Variants in MDGA2 observed in about 807,000 individuals in gnomAD.
MDGA2 encodes the protein MAM domain-containing glycosylphosphatidylinositol anchor protein 2.
A neutral mutation model predicts 117.8 loss-of-function variants in MDGA2; 40 were observed. The ratio of observed to expected loss-of-function variants is 0.34; its 90% CI spans 0.26 to 0.44. The LOEUF (loss-of-function observed/expected upper bound fraction) is 0.44. Ranked by LOEUF, MDGA2 falls within the 20% of genes least tolerant of loss-of-function variation. The pLI is 1.00. For synonymous variants in MDGA2, 452 were observed against 439.0 expected (o/e 1.03, Z -0.37); for missense variants, 1,123 against 1,250.6 (o/e 0.90, Z 1.54).
At chr14:47,583,210 A>G (rs926474560) in intron 1 of MDGA2, among the ~76,000 whole-genome samples, 2 of 151,884 alleles carry the variant, frequency 1.3e-5, no homozygotes, top group African/African-American at 4.8e-5. Context: ...GTGTAGTGTA[A>G]TGCAGAGACT....
intron 1 of MDGA2, among the ~76,000 whole-genome samples, chr14:47,434,864 G>A (rs536278291): frequency 1.1e-4 from 16 of 152,154 alleles, no homozygotes; most frequent in African/African-American, 2.9e-4. Flanking sequence ...GGCTGGGAGC[G>A]GTGGCTTATG....
At chr14:47,427,552 A>C (rs780713663) in intron 1 of MDGA2, among the ~76,000 whole-genome samples, 9 of 152,164 alleles carry the variant, frequency 5.9e-5, no homozygotes, top group Non-Finnish European at 1.3e-4. Context: ...CAATCTCCTC[A>C]TTCTCTGTAG....
chr14:46,871,900 C>A (rs1028863414), intron 14 of MDGA2: 1 of 397,906 alleles, frequency 2.5e-6, no homozygotes. Flanking sequence ...GTAATCCCAG[C>A]ATTTTGAGAG....
At chr14:47,077,046 G>GTT (rs199633224) in intron 6 of MDGA2, among the ~76,000 whole-genome samples, 1 of 149,810 alleles carries the variant, frequency 6.7e-6, no homozygotes, top group African/African-American at 2.4e-5. Context: ...CTTAAAACAA[G>GTT]TTTTTTTTTT....
intron 1 of MDGA2, among the ~76,000 whole-genome samples, chr14:47,590,413 C>G (rs1305732521): frequency 6.6e-6 from 1 of 151,672 alleles, no homozygotes; most frequent in Non-Finnish European, 1.5e-5. Flanking sequence ...AAGTAAGACA[C>G]ATTCAAGGTA....
At chr14:47,525,469 G>A (rs1894952481) in intron 1 of MDGA2, among the ~76,000 whole-genome samples, 1 of 152,150 alleles carries the variant, frequency 6.6e-6, no homozygotes, top group African/African-American at 2.4e-5. Context: ...CAGATCACCT[G>A]AGGTCAGGAG....
At chr14:47,303,314 T>A (rs371982556) in intron 1 of MDGA2, among the ~76,000 whole-genome samples, 1 of 152,182 alleles carries the variant, frequency 6.6e-6, no homozygotes, top group African/African-American at 2.4e-5. Flanking sequence ...CTGCTATGCA[T>A]CATTTTATCT....
At chr14:47,533,815 G>T (rs1407693873) in intron 1 of MDGA2, among the ~76,000 whole-genome samples, 2 of 152,144 alleles carry the variant, frequency 1.3e-5, no homozygotes, top group Non-Finnish European at 2.9e-5. Context: ...TTTAGCAAAA[G>T]ATATGGTACA....
At chr14:47,516,129 C>G (rs954371233) in intron 1 of MDGA2, among the ~76,000 whole-genome samples, 6 of 152,116 alleles carry the variant, frequency 3.9e-5, no homozygotes, top group Admixed American at 6.6e-5. Context: ...TAAGACCTGA[C>G]TTGCAGGTGA....
intron 1 of MDGA2, among the ~76,000 whole-genome samples, chr14:47,550,086 G>A (rs1056793424): frequency 2.0e-5 from 3 of 152,012 alleles, no homozygotes; most frequent in African/African-American, 7.3e-5. Flanking sequence ...CTTCATTGAT[G>A]TTCTTTTGTC....
intron 3 of MDGA2, among the ~76,000 whole-genome samples, chr14:47,157,525 A>G (rs1222382879): frequency 6.6e-6 from 1 of 151,672 alleles, no homozygotes; most frequent in Non-Finnish European, 1.5e-5. Flanking sequence ...CCTCTTCCTC[A>G]CTCATTTTCT....
At chr14:47,593,943 C>A (rs974802204) in intron 1 of MDGA2, among the ~76,000 whole-genome samples, 1 of 152,080 alleles carries the variant, frequency 6.6e-6, no homozygotes, top group Non-Finnish European at 1.5e-5. Flanking sequence ...AGGTTAGTTA[C>A]TGCAAATATT....
intron 14 of MDGA2, among the ~76,000 whole-genome samples, chr14:46,860,479 A>G (rs886610514): frequency 6.6e-6 from 1 of 151,956 alleles, no homozygotes; most frequent in African/African-American, 2.4e-5. Context: ...TTATTTTGGA[A>G]TAATTCATGG....
intron 2 of MDGA2, among the ~76,000 whole-genome samples, chr14:47,256,427 T>C (rs1428020342): frequency 6.6e-6 from 1 of 152,196 alleles, no homozygotes; most frequent in Non-Finnish European, 1.5e-5. Flanking sequence ...CTATGACCCT[T>C]TCTTTCTCCT....
chr14:46,950,167 AAGTGATAGCATT>A (rs1418553859), intron 9 of MDGA2, among the ~76,000 whole-genome samples: 2 of 151,990 alleles, frequency 1.3e-5, no homozygotes, highest in Non-Finnish European at 2.9e-5. Flanking sequence ...TTTTAGTAAT[AAGTGATAGCATT>A]AACTTCATTA....
Position 47,364,431 on chromosome 14 carries a change from AT to A in MDGA2, c.281-62882del, listed in dbSNP as rs1386539177. On this transcript the variant is annotated intron_variant, in intron 1 of 16. Coordinates refer to ENST00000399232, the MANE Select transcript of MDGA2 (RefSeq NM_001113498.3). Reference sequence around the variant, plus strand: ...AGGTGCCCAACACCACGCCCAGCTAATTTTTTGTATTTTTAGTAGAGACGGG... The same window carrying A: ...AGGTGCCCAACACCACGCCCAGCTAATTTTTGTATTTTTAGTAGAGACGGG... Among the ~76,000 whole-genome samples the A allele has an allele frequency of 6.6e-5, 10 of 152,054 alleles. No homozygotes were observed. In the East Asian group the frequency reaches 1.7e-3, roughly 27 times the overall value.
chr14:47,104,475 A>ACC (rs1880527666), intron 5 of MDGA2, among the ~76,000 whole-genome samples: 1 of 105,492 alleles, frequency 9.5e-6, no homozygotes, highest in Non-Finnish European at 1.9e-5. Flanking sequence ...GCACCTTGCG[A>ACC]CCCCCACTCC....
Position 47,171,976 on chromosome 14 carries a change from G to C in MDGA2, c.596-27702C>G, listed in dbSNP as rs143445996. Among the ~76,000 whole-genome samples, 840 of 152,180 alleles carry C rather than the reference G, an allele frequency of 5.5e-3. 8 individuals are homozygous for C. The highest frequency in any genetic ancestry group is 0.019 in the African/African-American group (808 of 41,526). ...CGCTTTTCCGACGGGCTTAAAAAAC[G>C]GTGCACCAGGAGATTATATCCCGCA... On this transcript the variant is annotated intron_variant, in intron 3 of 16. Transcript: ENST00000399232.
chr14:47,044,649 GAC>G (rs1371111119), intron 7 of MDGA2, among the ~76,000 whole-genome samples: 2 of 152,002 alleles, frequency 1.3e-5, no homozygotes, highest in Non-Finnish European at 1.5e-5. Context: ...TTTTCACACT[GAC>G]ACACACTTTT....
Sources: gnomAD v4.1 joint callset for allele counts (sites outside exome capture counted in the v4.1 genomes callset) on GRCh38, gnomAD v4.1.1 for gene constraint, MANE v1.5 for transcripts, NCBI Gene and HGNC (gene_info 2026-07-23, HGNC 2026-07-21) for gene names.